The following DEPDC1B variants were observed in gnomAD, a reference collection of about 807,000 sequenced individuals.
DEPDC1B encodes DEP domain-containing protein 1B.
In DEPDC1B, 51 loss-of-function variants were observed where a neutral mutation model predicts 66.5. That is an observed-to-expected ratio of 0.77 (90% CI 0.61 to 0.97). The LOEUF (loss-of-function observed/expected upper bound fraction) is 0.97. Among genes scored for constraint, DEPDC1B ranks in the 50% least tolerant of loss-of-function variants. DEPDC1B has a pLI of 0.00. For synonymous variants in DEPDC1B, 226 were observed against 223.6 expected, an observed-to-expected ratio of 1.01 and a Z score of -0.10; for missense variants, 552 against 637.1, an observed-to-expected ratio of 0.87 and a Z score of 1.44.
At chr5:60,671,510 T>C (rs1280824945) in intron 2 of DEPDC1B, among the ~76,000 whole-genome samples, 1 of 152,190 alleles carries the variant, frequency 6.6e-6, no homozygotes, top group Non-Finnish European at 1.5e-5. Flanking sequence ...TCTAACAGCA[T>C]CCTTTGCTTG....
intron 2 of DEPDC1B, among the ~76,000 whole-genome samples, chr5:60,667,708 T>TAAAATGTATATTTTACATATATATAA (rs1753889940): frequency 9.6e-6 from 1 of 104,206 alleles, no homozygotes; most frequent in Non-Finnish European, 1.9e-5. Flanking sequence ...TACATGTATA[T>TAAAATGTATATTTTACATATATATAA]AAAATGGATA....
chr5:60,671,319 T>A (rs1203950118), intron 2 of DEPDC1B, among the ~76,000 whole-genome samples: 2 of 152,298 alleles, frequency 1.3e-5, no homozygotes, highest in African/African-American at 4.8e-5. Context: ...GGCAAGCGGA[T>A]CTGTGAAGCA....
intron 7 of DEPDC1B, among the ~76,000 whole-genome samples, chr5:60,623,489 G>C (rs1398120819): frequency 1.3e-5 from 2 of 151,930 alleles, no homozygotes; most frequent in Non-Finnish European, 2.9e-5. Context: ...TCTCCACATT[G>C]TTTTGGCTAT....
At position 60,597,720 on chromosome 5, in the gene DEPDC1B, T is replaced by A. The variant is rs543172318; in HGVS notation, c.*33A>T. ...CACCATTCACTCAAAACAACAACAGTGGTCTCTAGCACCTGTTGCTGTGGA... is the reference window on the plus strand; with the variant it reads ...CACCATTCACTCAAAACAACAACAGAGGTCTCTAGCACCTGTTGCTGTGGA... On this transcript the variant is annotated 3_prime_UTR_variant, in exon 11 of 11. Coordinates refer to ENST00000265036, the MANE Select transcript of DEPDC1B (RefSeq NM_018369.3). The A allele has an allele frequency of 7.5e-6, 12 of 1,592,266 alleles. No homozygotes were observed. In the East Asian group the frequency reaches 1.8e-4, roughly 24 times the overall value.
chr5:60,692,740 T>A (rs1449229192), intron 1 of DEPDC1B, among the ~76,000 whole-genome samples: 1 of 152,096 alleles, frequency 6.6e-6, no homozygotes, highest in Non-Finnish European at 1.5e-5. Context: ...GCACTATCCA[T>A]AATAGGCAGA....
At chr5:60,677,326 A>ACACACACACACTCTCTCTCTCT (rs770640655) in intron 2 of DEPDC1B, among the ~76,000 whole-genome samples, 1 of 108,526 alleles carries the variant, frequency 9.2e-6, no homozygotes, top group African/African-American at 4.0e-5. Context: ...ACACACACAC[A>ACACACACACACTCTCTCTCTCT]CTCTCTCTCT....
intron 2 of DEPDC1B, among the ~76,000 whole-genome samples, chr5:60,662,382 C>T (rs1241731661): frequency 2.2e-4 from 34 of 151,370 alleles, no homozygotes; most frequent in African/African-American, 6.3e-4. Context: ...AGTGAGACTC[C>T]GTCTCAAAAA....
chr5:60,668,994 T>G (rs1266810682), intron 2 of DEPDC1B, among the ~76,000 whole-genome samples: 7 of 152,096 alleles, frequency 4.6e-5, no homozygotes, highest in African/African-American at 1.7e-4. Flanking sequence ...CTAGAACAAA[T>G]TACACATTTG....
At chr5:60,613,828 G>GTGTGTGTGTGTGTATA (rs3989094) in intron 7 of DEPDC1B, among the ~76,000 whole-genome samples, 32 of 144,486 alleles carry the variant, frequency 2.2e-4, no homozygotes, top group African/African-American at 3.7e-4. Flanking sequence ...GTGTGTGTGT[G>GTGTGTGTGTGTGTATA]TATACATAAA....
chr5:60,683,704 A>G (rs903449665), intron 2 of DEPDC1B, among the ~76,000 whole-genome samples: 1 of 152,182 alleles, frequency 6.6e-6, no homozygotes, highest in South Asian at 2.1e-4. Context: ...TTAGAACAAG[A>G]TAAGATGCCC....
Position 60,637,221 on chromosome 5 carries a change from T to TG in DEPDC1B, c.898+1528dup, listed in dbSNP as rs1240278927. On this transcript the variant is annotated intron_variant, in intron 7 of 10. Coordinates refer to ENST00000265036, the MANE Select transcript of DEPDC1B (RefSeq NM_018369.3). ...GAAAGGTAATCTCCAGTGTTCGAGG[T>TG]GGGGCATGGTGGGAGGTGATTGGAT... Among the ~76,000 whole-genome samples, 4 of 152,266 alleles carry TG rather than the reference T, an allele frequency of 2.6e-5. No individual in the cohort carries two copies. The East Asian group carries it at 7.7e-4, about 29-fold the overall frequency.
intron 2 of DEPDC1B, among the ~76,000 whole-genome samples, chr5:60,684,898 A>T (rs1584101652): frequency 6.6e-6 from 1 of 152,214 alleles, no homozygotes; most frequent in East Asian, 1.9e-4. Context: ...TAATCCAATT[A>T]AAAAATGGGC....
At chr5:60,661,188 T>A (rs1329542273) in intron 2 of DEPDC1B, among the ~76,000 whole-genome samples, 2 of 152,178 alleles carry the variant, frequency 1.3e-5, no homozygotes, top group Non-Finnish European at 2.9e-5. Flanking sequence ...GCTCTAGGAC[T>A]CACCCCAGAG....
intron 7 of DEPDC1B, chr5:60,628,705 T>G (rs919780001): frequency 6.6e-6 from 1 of 152,196 alleles, no homozygotes. Flanking sequence ...GATTCATCCA[T>G]GCACGTGATG....
intron 2 of DEPDC1B, among the ~76,000 whole-genome samples, chr5:60,649,177 A>G (rs1753387005): frequency 6.6e-6 from 1 of 152,206 alleles, no homozygotes; most frequent in Non-Finnish European, 1.5e-5. Context: ...TCTTTTGGAA[A>G]GTATAAGTCT....
chr5:60,603,325 A>T, intron 9 of DEPDC1B, 66 bp downstream of exon 9: 1 of 1,403,054 alleles, frequency 7.1e-7, no homozygotes, highest in Non-Finnish European at 9.4e-7. Context: ...TGCCCCAAGA[A>T]GCCTAGCAAG....
chr5:60,662,513 T>C lies in DEPDC1B; in HGVS notation c.315-14980A>G, dbSNP rs560322895. On this transcript the variant is annotated intron_variant, in intron 2 of 10. Transcript: ENST00000265036. ...AACAGGTGGAACGGGACAAATAGGATAAAAAGAAGGCCACTGCTTTAGTCA... is the reference window on the plus strand; with the variant it reads ...AACAGGTGGAACGGGACAAATAGGACAAAAAGAAGGCCACTGCTTTAGTCA... 6.6e-5 allele frequency among the ~76,000 whole-genome samples: 10 copies of C among 152,040 alleles called. No homozygotes were observed. In the East Asian group the frequency reaches 1.9e-3, roughly 29 times the overall value.
At chr5:60,599,022 AC>A (rs995457244) in intron 10 of DEPDC1B, 52 bp downstream of exon 10, 3 of 1,448,326 alleles carry the variant, frequency 2.1e-6, no homozygotes, top group Admixed American at 2.6e-5. Flanking sequence ...AAAAAAAAAA[AC>A]ATAAAAACAG....
intron 2 of DEPDC1B, among the ~76,000 whole-genome samples, chr5:60,660,413 A>C (rs981855076): frequency 6.6e-6 from 1 of 152,130 alleles, no homozygotes; most frequent in African/African-American, 2.4e-5. Context: ...ACCTATAATT[A>C]ATAACTGAAG....
Sources: gnomAD v4.1 joint callset for allele counts (sites outside exome capture counted in the v4.1 genomes callset) on GRCh38, gnomAD v4.1.1 for gene constraint, MANE v1.5 for transcripts, NCBI Gene and HGNC (gene_info 2026-07-23, HGNC 2026-07-21) for gene names.